WLS: variants seen among roughly 807,000 people sequenced by gnomAD.
WLS encodes the protein Wnt ligand secretion mediator.
Under a neutral mutation model 62.8 loss-of-function variants are expected in WLS, and 23 were observed. The observed-to-expected ratio is 0.37, with a 90% CI of 0.26 to 0.52. WLS has a LOEUF of 0.52. WLS is among the 20% of genes least tolerant of loss of function. WLS has a pLI of 0.92. For missense variants in WLS, 615 were observed against 697.3 expected (o/e 0.88, Z 1.33); for synonymous variants, 246 against 244.1 (o/e 1.01, Z -0.07).
intron 2 of WLS, among the ~76,000 whole-genome samples, chr1:68,192,066 G>A (rs557347590): frequency 8.5e-5 from 13 of 152,256 alleles, no homozygotes; most frequent in African/African-American, 1.7e-4. Context: ...CCACTTAGCC[G>A]TAAGTTCCTT....
At chr1:68,228,842 C>CAAAAAAAAAAAAAA (rs66626696) in intron 1 of WLS, among the ~76,000 whole-genome samples, 9 of 58,032 alleles carry the variant, frequency 1.6e-4, no homozygotes, top group Non-Finnish European at 2.3e-4. Flanking sequence ...ACACTGGTGC[C>CAAAAAAAAAAAAAA]AAAAAAAAAA....
chr1:68,192,170 GA>G (rs1485004906), intron 2 of WLS, among the ~76,000 whole-genome samples: 1 of 152,068 alleles, frequency 6.6e-6, no homozygotes, highest in Non-Finnish European at 1.5e-5. Context: ...GAATGAATGA[GA>G]AAAAGAAAAC....
chr1:68,132,793 G>T (rs188590237), intron 11 of WLS, among the ~76,000 whole-genome samples: 2 of 152,110 alleles, frequency 1.3e-5, no homozygotes, highest in Admixed American at 6.5e-5. Flanking sequence ...AAAAATCAAA[G>T]CTATTATCAA....
intron 11 of WLS, among the ~76,000 whole-genome samples, chr1:68,120,052 C>A (rs1646344629): frequency 6.6e-6 from 1 of 152,196 alleles, no homozygotes; most frequent in Non-Finnish European, 1.5e-5. Flanking sequence ...AATTAATAAA[C>A]CACCCCTGTG....
rs754642916 is a variant in WLS at position 68,231,866 on chromosome 1, G to C, written c.106+328C>G. On this transcript the variant is annotated intron_variant, in intron 1 of 11. Transcript: ENST00000262348. The stretch of plus-strand genomic sequence containing the variant: ...GGAACGCGGGAAAAAGCGGGGGGGG[G>C]GGGGGGCGAGCAATCAACTTTGTAA... 5.1e-5 allele frequency: 16 copies of C among 311,376 alleles called. No individual in the cohort carries two copies. In the East Asian group the frequency reaches 1.3e-3, roughly 26 times the overall value. 19.3% of individuals were successfully genotyped at this position (311,376 alleles called of 1,614,324 possible).
intron 11 of WLS, among the ~76,000 whole-genome samples, chr1:68,113,000 C>T (rs771171271): frequency 5.3e-5 from 8 of 152,214 alleles, no homozygotes; most frequent in South Asian, 2.1e-4. Flanking sequence ...TAGCTGCCCA[C>T]GAACTTGGCT....
intron 1 of WLS, among the ~76,000 whole-genome samples, chr1:68,199,500 TGCTGGG>T (rs1415305356): frequency 6.6e-6 from 1 of 152,152 alleles, no homozygotes; most frequent in Non-Finnish European, 1.5e-5. Context: ...ATAGAACATG[TGCTGGG>T]TCATAGAATA....
intron 2 of WLS, chr1:68,183,408 T>C (rs1647707996): frequency 6.8e-6 from 2 of 292,546 alleles, no homozygotes; most frequent in African/African-American, 2.2e-5. Context: ...ATACTACCAA[T>C]GGCCTGTTCC....
intron 2 of WLS, among the ~76,000 whole-genome samples, chr1:68,179,320 G>A (rs34293239): frequency 0.13 from 20,337 of 152,048 alleles, 1,362 homozygotes; most frequent in East Asian, 0.18. Context: ...CTTAGGGGTC[G>A]TCTAGTATAA....
chr1:68,143,564 A>G (rs1024130494), intron 10 of WLS, among the ~76,000 whole-genome samples: 1 of 152,230 alleles, frequency 6.6e-6, no homozygotes, highest in Non-Finnish European at 1.5e-5. Flanking sequence ...ATACACAAAT[A>G]CTTACCATTG....
chr1:68,227,439 T>C (rs1650204933), intron 1 of WLS, among the ~76,000 whole-genome samples: 1 of 150,530 alleles, frequency 6.6e-6, no homozygotes, highest in Admixed American at 6.6e-5. Flanking sequence ...CAATTAGAGA[T>C]TGTTAGCATG....
intron 2 of WLS, among the ~76,000 whole-genome samples, chr1:68,170,460 G>T (rs1028044815): frequency 3.3e-5 from 5 of 151,976 alleles, no homozygotes; most frequent in Non-Finnish European, 4.4e-5. Context: ...GAGCCACCGC[G>T]CTCGGCCGCT....
At chr1:68,118,248 C>G (rs753387148) in intron 11 of WLS, among the ~76,000 whole-genome samples, 2 of 152,166 alleles carry the variant, frequency 1.3e-5, no homozygotes, top group African/African-American at 4.8e-5. Context: ...AACTGACAAC[C>G]TAAAAATATC....
chr1:68,115,547 T>A (rs1339583791), intron 11 of WLS, among the ~76,000 whole-genome samples: 1 of 152,208 alleles, frequency 6.6e-6, no homozygotes, highest in African/African-American at 2.4e-5. Context: ...TCAACCTCTC[T>A]GAGCTCCAGC....
At position 68,098,798 on chromosome 1, in the gene WLS, A is replaced by G. The variant is rs908575509; in HGVS notation, c.1511-45T>C. The G allele has an allele frequency of 4.4e-6, 7 of 1,591,076 alleles. No homozygotes were observed. The African/African-American group carries it at 9.5e-5, about 22-fold the overall frequency. On this transcript the variant is annotated intron_variant, in intron 11 of 11. Transcript: ENST00000354777. ...TTAAAACCATGCAAAATATCCTTTT[A>G]AAAAAATATGTAACATGGAGTTTAG...
downstream of WLS, chr1:68,121,080 A>C (rs1342776362): frequency 5.9e-5 from 9 of 152,200 alleles, no homozygotes; most frequent in Admixed American, 5.9e-4. Flanking sequence ...AGAAGCAAAA[A>C]AGTAAGAAGT....
chr1:68,133,794 T>C (rs548690492), intron 11 of WLS, among the ~76,000 whole-genome samples: 9 of 152,324 alleles, frequency 5.9e-5, no homozygotes, highest in African/African-American at 2.2e-4. Flanking sequence ...TACTTCCTCC[T>C]GACACTTGGC....
intron 11 of WLS, among the ~76,000 whole-genome samples, chr1:68,107,272 C>A (rs1219885238): frequency 1.3e-5 from 2 of 150,346 alleles, no homozygotes; most frequent in Non-Finnish European, 3.0e-5. Context: ...CATTGTTGAA[C>A]TATCCTCCAT....
chr1:68,209,845 G>A (rs567977376), intron 1 of WLS, among the ~76,000 whole-genome samples: 1 of 152,232 alleles, frequency 6.6e-6, no homozygotes, highest in African/African-American at 2.4e-5. Flanking sequence ...ATGAGGCCCT[G>A]AAAAATTAAA....
Sources: gnomAD v4.1 joint callset for allele counts (sites outside exome capture counted in the v4.1 genomes callset) on GRCh38, gnomAD v4.1.1 for gene constraint, MANE v1.5 for transcripts, NCBI Gene and HGNC (gene_info 2026-07-23, HGNC 2026-07-21) for gene names.